LDLRAD4: variants seen among roughly 807,000 people sequenced by gnomAD.
LDLRAD4 encodes low-density lipoprotein receptor class A domain-containing protein 4.
LDLRAD4 carries 5 observed loss-of-function variants against 17.0 expected under a neutral mutation model. The ratio of observed to expected loss-of-function variants is 0.29; its 90% CI spans 0.15 to 0.62. The LOEUF is 0.62. Among genes scored for constraint, LDLRAD4 ranks in the 20% least tolerant of loss-of-function variants. LDLRAD4 has a pLI of 0.84. For missense variants in LDLRAD4, 340 were observed against 424.7 expected (o/e 0.80, Z 1.75); for synonymous variants, 168 against 171.8 (o/e 0.98, Z 0.17).
intron 2 of LDLRAD4, among the ~76,000 whole-genome samples, chr18:13,434,282 A>C (rs2146092649): frequency 6.6e-6 from 1 of 152,070 alleles, no homozygotes; most frequent in South Asian, 2.1e-4. Flanking sequence ...TCAAATAGGA[A>C]ATTTTGGCAA....
At chr18:13,311,697 G>A (rs1394670993) in intron 1 of LDLRAD4, among the ~76,000 whole-genome samples, 1 of 152,192 alleles carries the variant, frequency 6.6e-6, no homozygotes, top group African/African-American at 2.4e-5. Context: ...ATGCCCAAAG[G>A]CCTGAGTCCG....
At chr18:13,388,115 G>A (rs1412781712) in intron 2 of LDLRAD4, among the ~76,000 whole-genome samples, 1 of 152,278 alleles carries the variant, frequency 6.6e-6, no homozygotes, top group East Asian at 1.9e-4. Context: ...TACAGAACCG[G>A]GAAGATTCTC....
intron 1 of LDLRAD4, among the ~76,000 whole-genome samples, chr18:13,369,102 A>G (rs1453097031): frequency 1.3e-5 from 2 of 152,180 alleles, no homozygotes; most frequent in Admixed American, 6.5e-5. Flanking sequence ...GAAGCTGACT[A>G]TGGGAACTGG....
chr18:13,642,741 G>A, intron 4 of LDLRAD4: 1 of 1,231,298 alleles, frequency 8.1e-7, no homozygotes, highest in Non-Finnish European at 1.0e-6. Context: ...CATCTTGAAT[G>A]TATTTCAAGC....
At chr18:13,508,081 G>GTCA (rs2093722653) in intron 3 of LDLRAD4, among the ~76,000 whole-genome samples, 2 of 149,248 alleles carry the variant, frequency 1.3e-5, no homozygotes, top group African/African-American at 5.2e-5. Flanking sequence ...TTGACATGAA[G>GTCA]AAAGTTTAAG....
intron 3 of LDLRAD4, among the ~76,000 whole-genome samples, chr18:13,566,785 A>G (rs2094608629): frequency 6.6e-6 from 1 of 152,216 alleles, no homozygotes; most frequent in Non-Finnish European, 1.5e-5. Flanking sequence ...CAGTCCCCCA[A>G]AAAGAGAGGA....
At chr18:13,267,652 C>T (rs1014404529) in intron 1 of LDLRAD4, among the ~76,000 whole-genome samples, 1 of 152,230 alleles carries the variant, frequency 6.6e-6, no homozygotes. Flanking sequence ...TGTAACCCAG[C>T]TACTTCATTT....
At chr18:13,293,092 T>C (rs967285801) in intron 1 of LDLRAD4, among the ~76,000 whole-genome samples, 3 of 152,240 alleles carry the variant, frequency 2.0e-5, no homozygotes, top group African/African-American at 7.2e-5. Context: ...AAACACAAAC[T>C]TGAAATCACT....
chr18:13,227,125 G>A (rs761035110), intron 1 of LDLRAD4, among the ~76,000 whole-genome samples: 2 of 152,190 alleles, frequency 1.3e-5, no homozygotes, highest in African/African-American at 2.4e-5. Flanking sequence ...CGTCTGTGGA[G>A]GACCTCCACA....
intron 1 of LDLRAD4, among the ~76,000 whole-genome samples, chr18:13,330,047 T>G (rs1407592636): frequency 1.3e-5 from 2 of 151,820 alleles, no homozygotes; most frequent in Non-Finnish European, 2.9e-5. Context: ...ACTCTGCCTC[T>G]CGGGTTCACG....
At chr18:13,255,806 G>A (rs947928999) in intron 1 of LDLRAD4, among the ~76,000 whole-genome samples, 10 of 152,176 alleles carry the variant, frequency 6.6e-5, no homozygotes, top group African/African-American at 2.2e-4. Flanking sequence ...AGAGCTGGCC[G>A]AGGGAGATGT....
At chr18:13,557,431 C>T (rs1484923842) in intron 3 of LDLRAD4, among the ~76,000 whole-genome samples, 4 of 152,006 alleles carry the variant, frequency 2.6e-5, no homozygotes, top group Non-Finnish European at 4.4e-5. Flanking sequence ...GATTGAGTCT[C>T]GCTCTTTCGC....
At chr18:13,368,315 G>A (rs111927766) in intron 1 of LDLRAD4, among the ~76,000 whole-genome samples, 8 of 152,030 alleles carry the variant, frequency 5.3e-5, no homozygotes, top group African/African-American at 1.9e-4. Context: ...CAGAAGAGTC[G>A]GGGGCCCTGC....
At chr18:13,565,980 C>T (rs916860923) in intron 3 of LDLRAD4, among the ~76,000 whole-genome samples, 2 of 152,240 alleles carry the variant, frequency 1.3e-5, no homozygotes, top group African/African-American at 2.4e-5. Context: ...GCACGCCATT[C>T]GTCCATTCGT....
At chr18:13,303,309 C>T (rs1017299964) in intron 1 of LDLRAD4, among the ~76,000 whole-genome samples, 6 of 152,288 alleles carry the variant, frequency 3.9e-5, no homozygotes, top group Middle Eastern at 3.4e-3. Context: ...TGCAGTGGTA[C>T]GATCATAGCT....
chr18:13,334,814 TATG>T (rs368640531), intron 1 of LDLRAD4, among the ~76,000 whole-genome samples: 241 of 152,326 alleles, frequency 1.6e-3, no homozygotes, highest in Admixed American at 3.3e-3. Context: ...CATCATTAAG[TATG>T]ATATTAGCTG....
intron 3 of LDLRAD4, among the ~76,000 whole-genome samples, chr18:13,546,282 C>T (rs1036028284): frequency 6.6e-5 from 10 of 152,072 alleles, no homozygotes; most frequent in Non-Finnish European, 1.0e-4. Flanking sequence ...AACCAGCAGG[C>T]CAACTCCACC....
chr18:13,646,480 A>G (rs1379068901), exon 6 of LDLRAD4: 2 of 152,210 alleles, frequency 1.3e-5, no homozygotes, highest in African/African-American at 4.8e-5. Context: ...GCTTTTGGAG[A>G]CTTTTGGATG....
chr18:13,477,793 C>G (rs1296204170), intron 3 of LDLRAD4, among the ~76,000 whole-genome samples: 1 of 152,214 alleles, frequency 6.6e-6, no homozygotes, highest in Non-Finnish European at 1.5e-5. Context: ...GAAGAGGCGT[C>G]TGATGCAGGC....
Sources: allele counts gnomAD v4.1 joint callset (sites outside exome capture counted in the v4.1 genomes callset), GRCh38; gene constraint gnomAD v4.1.1; transcripts MANE v1.5; gene names NCBI Gene and HGNC (gene_info 2026-07-23, HGNC 2026-07-21).